The following MDM2 variants were observed in gnomAD, a reference collection of about 807,000 sequenced individuals.
The protein encoded by MDM2 is MDM2 proto-oncogene.
A neutral mutation model predicts 64.3 loss-of-function variants in MDM2; 11 were observed. The ratio of observed to expected loss-of-function variants is 0.17; its 90% CI spans 0.11 to 0.28. The LOEUF is 0.28. Among genes scored for constraint, MDM2 ranks in the 10% least tolerant of loss-of-function variants. The probability of loss-of-function intolerance (pLI) is 1.00; values close to 1 mark genes in which losing one functional copy is unlikely to be tolerated. For synonymous variants in MDM2, 194 were observed against 192.9 expected (o/e 1.01, Z -0.05); for missense variants, 388 against 577.1 (o/e 0.67, Z 3.36).
At chr12:68,811,841 C>A (rs1050928364) in intron 2 of MDM2, among the ~76,000 whole-genome samples, 1 of 152,136 alleles carries the variant, frequency 6.6e-6, no homozygotes, top group African/African-American at 2.4e-5. Context: ...ACCTCCTGAT[C>A]TGCCTGTCTT....
chr12:68,842,392 CTCAT>C lies in MDM2; in HGVS notation c.*2545_*2548del. 2.0e-6 allele frequency: 1 copy of C among 492,398 alleles called. No homozygotes were observed. The highest frequency in any genetic ancestry group is 4.0e-6 in the Non-Finnish European group (1 of 248,728). 30.5% of individuals were successfully genotyped at this position (492,398 alleles called of 1,614,324 possible). Reference sequence around the variant, plus strand: ...GACATGGCAGAGGTTTCCTAAAAATCTCATTATCTATAACCATTTCTATATTTAC... The same window carrying C: ...GACATGGCAGAGGTTTCCTAAAAATCTATCTATAACCATTTCTATATTTAC... On this transcript the variant is annotated 3_prime_UTR_variant, in exon 11 of 11. Coordinates refer to ENST00000258149, the MANE Select transcript of MDM2 (RefSeq NM_002392.6).
chr12:68,842,494 GA>G lies in MDM2; in HGVS notation c.*2648del. The G allele has an allele frequency of 2.6e-6, 1 of 386,604 alleles. No individual in the cohort carries two copies. Among genetic ancestry groups the G allele is most frequent in the Non-Finnish European group, 5.0e-6 (1 of 198,250 alleles). 23.9% of individuals were successfully genotyped at this position (386,604 alleles called of 1,614,324 possible). ...ATTTTTTATATAAGGTCACTCCGAT[GA>G]AAGGTGATTACAAAATCATCTACAT... On this transcript the variant is annotated 3_prime_UTR_variant, in exon 11 of 11. Transcript: ENST00000258149.
At chr12:68,812,292 C>G (rs1018781684) in intron 2 of MDM2, among the ~76,000 whole-genome samples, 12 of 151,608 alleles carry the variant, frequency 7.9e-5, no homozygotes, top group African/African-American at 2.9e-4. Context: ...TATTGATTAG[C>G]TGGAAATAGG....
Position 68,842,121 on chromosome 12 carries a change from T to G in MDM2, c.*2272T>G. The stretch of plus-strand genomic sequence containing the variant: ...ATAATGAGCTTACAGTGGATTTGAA[T>G]TTGAAAAATATAGTAACAAGCCTGT... On this transcript the variant is annotated 3_prime_UTR_variant, in exon 11 of 11. Transcript: ENST00000258149. 1 of 431,782 alleles carries G rather than the reference T, an allele frequency of 2.3e-6. No homozygotes were observed. 26.7% of individuals were successfully genotyped at this position (431,782 alleles called of 1,614,324 possible).
At chr12:68,810,755 C>T (rs563556868) in intron 2 of MDM2, among the ~76,000 whole-genome samples, 5 of 152,150 alleles carry the variant, frequency 3.3e-5, no homozygotes, top group African/African-American at 1.2e-4. Flanking sequence ...GTCACTGCGC[C>T]TGGCCTCTTT....
intron 4 of MDM2, among the ~76,000 whole-genome samples, chr12:68,819,531 G>C (rs755225422): frequency 1.3e-5 from 2 of 152,038 alleles, no homozygotes; most frequent in African/African-American, 4.8e-5. Context: ...TGCTCTTGTT[G>C]CCCAGGCTGG....
At chr12:68,816,516 G>T (rs1032376003) in intron 3 of MDM2, among the ~76,000 whole-genome samples, 3 of 151,946 alleles carry the variant, frequency 2.0e-5, no homozygotes, top group South Asian at 4.1e-4. Flanking sequence ...GGGATTACAG[G>T]TGTCTGCCAC....
In MDM2 at chr12:68,823,437, C is replaced by T. The variant is rs187734547; in HGVS notation, c.359-926C>T. 2.6e-5 allele frequency among the ~76,000 whole-genome samples: 4 copies of T among 152,230 alleles called. No homozygotes were observed. The East Asian group carries it at 7.7e-4, about 29-fold the overall frequency. On this transcript the variant is annotated intron_variant, in intron 5 of 10. Transcript: ENST00000258149. Reference sequence around the variant, plus strand: ...AAGTTTCTCTTTTAGTGAATGGTACCACTCATTTATTCACCCAAGTTGGAA... The same window carrying T: ...AAGTTTCTCTTTTAGTGAATGGTACTACTCATTTATTCACCCAAGTTGGAA...
In MDM2 at chr12:68,813,559, A is replaced by T; in HGVS notation, c.105A>T (p.Arg35Ser). Reference protein sequence around the residue: ...IPASEQETLVRPKPLLLKLLK... With the variant: ...IPASEQETLVSPKPLLLKLLK... Reference sequence around the variant, plus strand: ...CAGTTCTTTTCTCTTTATAGGTTAGACCAAAGCCATTGCTTTTGAAGTTAT... The same window carrying T: ...CAGTTCTTTTCTCTTTATAGGTTAGTCCAAAGCCATTGCTTTTGAAGTTAT... The change falls in exon 3 of 11, where the codon AGA becomes AGT. Residue 35 changes from arginine (R) to serine (S), a missense_variant. Around this residue, in one of 5 missense-constraint regions of MDM2, gnomAD observed 46 missense variants for 45.2 expected, o/e 1.02. Coordinates refer to ENST00000258149, the MANE Select transcript of MDM2 (RefSeq NM_002392.6). 1 of 1,612,422 alleles carries T rather than the reference A, an allele frequency of 6.2e-7. No homozygotes were observed. The highest frequency in any genetic ancestry group is 8.5e-7 in the Non-Finnish European group (1 of 1,178,698).
chr12:68,836,155 T>G (rs1203184290), intron 9 of MDM2, among the ~76,000 whole-genome samples, 171 bp downstream of exon 9: 6 of 152,202 alleles, frequency 3.9e-5, no homozygotes, highest in African/African-American at 1.4e-4. Flanking sequence ...TAGTTCTTTA[T>G]CATCTGATTT....
chr12:68,817,138 C>T, intron 4 of MDM2, 193 bp downstream of exon 4: 1 of 533,348 alleles, frequency 1.9e-6, no homozygotes, highest in East Asian at 3.6e-5. Context: ...TGTTTGAAAC[C>T]TAGCCCAATC....
chr12:68,831,060 G>T (rs1462238858), intron 8 of MDM2, among the ~76,000 whole-genome samples: 1 of 152,162 alleles, frequency 6.6e-6, no homozygotes, highest in Non-Finnish European at 1.5e-5. Context: ...ATGATATTTA[G>T]AGTCCTTGTT....
intron 8 of MDM2, among the ~76,000 whole-genome samples, chr12:68,833,310 A>AATATATATTTATAT (rs1483382437): frequency 1.8e-5 from 1 of 55,820 alleles, no homozygotes; most frequent in African/African-American, 7.9e-5. Context: ...TATAAATATA[A>AATATATATTTATAT]AAATATAATT....
At chr12:68,832,560 G>A (rs992992472) in intron 8 of MDM2, among the ~76,000 whole-genome samples, 5 of 151,774 alleles carry the variant, frequency 3.3e-5, no homozygotes, top group Admixed American at 1.3e-4. Flanking sequence ...TTGCCCAGGC[G>A]GGAGTGCAGC....
chr12:68,822,809 C>A (rs892561023), intron 5 of MDM2, among the ~76,000 whole-genome samples: 1 of 151,500 alleles, frequency 6.6e-6, no homozygotes, highest in Non-Finnish European at 1.5e-5. Flanking sequence ...GGTGCGATCT[C>A]GGATCACTGC....
Position 68,843,947 on chromosome 12 carries a change from T to C in MDM2, c.*4098T>C, listed in dbSNP as rs1305091636. On this transcript the variant is annotated 3_prime_UTR_variant, in exon 11 of 11. Transcript: ENST00000258149. The stretch of plus-strand genomic sequence containing the variant: ...TTTCCTTTGGAGGTCCTCAAAGCAT[T>C]ATTGGAGTTCATAATACTGAAGCTA... 2 of 210,562 alleles carry C rather than the reference T, an allele frequency of 9.5e-6. No homozygotes were observed. Among genetic ancestry groups the C allele is most frequent in the African/African-American group, 4.6e-5 (2 of 43,944 alleles). 13.0% of individuals were successfully genotyped at this position (210,562 alleles called of 1,614,324 possible).
intron 8 of MDM2, among the ~76,000 whole-genome samples, chr12:68,833,800 C>T (rs1883097397): frequency 6.6e-6 from 1 of 152,100 alleles, no homozygotes; most frequent in Admixed American, 6.6e-5. Flanking sequence ...AGTATGTTTT[C>T]TGAGATTTAA....
Position 68,839,690 on chromosome 12 carries a change from G to C in MDM2, c.1335G>C (p.Val445=). ...CCCTTAATGCCATTGAACCTTGTGTGATTTGTCAAGGTCGACCTAAAAATG... is the reference window on the plus strand; with the variant it reads ...CCCTTAATGCCATTGAACCTTGTGTCATTTGTCAAGGTCGACCTAAAAATG... ...SLPLNAIEPC[V]ICQGRPKNGC... Residue 445 remains valine, a synonymous_variant, in exon 11 of 11, where the codon GTG becomes GTC. Coordinates refer to ENST00000258149, the MANE Select transcript of MDM2 (RefSeq NM_002392.6). 1 of 1,613,804 alleles carries C rather than the reference G, an allele frequency of 6.2e-7. No homozygotes were observed. The highest frequency in any genetic ancestry group is 8.5e-7 in the Non-Finnish European group (1 of 1,179,986).
At chr12:68,833,454 G>A (rs4913469) in intron 8 of MDM2, among the ~76,000 whole-genome samples, 2 of 143,506 alleles carry the variant, frequency 1.4e-5, no homozygotes. Context: ...AATATATATA[G>A]AGAGAGATAA....
Sources: allele counts gnomAD v4.1 joint callset (sites outside exome capture counted in the v4.1 genomes callset), GRCh38; gene constraint gnomAD v4.1.1; regional missense constraint gnomAD v4.1.1; transcripts MANE v1.5; gene names NCBI Gene and HGNC (gene_info 2026-07-23, HGNC 2026-07-21).